CCNB2: variants seen among roughly 807,000 people sequenced by gnomAD.
CCNB2 encodes the protein G2/mitotic-specific cyclin-B2.
CCNB2 carries 39 observed loss-of-function variants against 51.1 expected under a neutral mutation model. That is an observed-to-expected ratio of 0.76 (90% CI 0.59 to 1.00). The LOEUF (loss-of-function observed/expected upper bound fraction) is 1.00. Among genes scored for constraint, CCNB2 ranks in the 50% least tolerant of loss-of-function variants. The pLI is 0.00. For synonymous variants in CCNB2, 174 were observed against 165.5 expected (o/e 1.05, Z -0.40); for missense variants, 472 against 470.3 (o/e 1.00, Z -0.03).
At position 59,124,899 on chromosome 15, in the gene CCNB2, G is replaced by T; in HGVS notation, c.*22G>T. On this transcript the variant is annotated 3_prime_UTR_variant, in exon 9 of 9. Transcript: ENST00000288207. ...CTAGGCTGCCGTGGCCCCTGGGGATGTGTGCTTCATTGTGCCCTTTTTCTT... is the reference window on the plus strand; with the variant it reads ...CTAGGCTGCCGTGGCCCCTGGGGATTTGTGCTTCATTGTGCCCTTTTTCTT... 7.0e-7 allele frequency: 1 copy of T among 1,423,748 alleles called. No homozygotes were observed. The highest frequency in any genetic ancestry group is 1.4e-5 in the African/African-American group (1 of 69,320). The allele number at this position is 1,423,748 out of a possible 1,614,324, so 88.2% of individuals were successfully genotyped here.
In CCNB2 at chr15:59,122,241, CTTTT is replaced by C. The variant is rs1162917277; in HGVS notation, c.976-1254_976-1251del. 3.5e-3 allele frequency among the ~76,000 whole-genome samples: 255 copies of C among 72,980 alleles called. 1 individual carries two copies. The highest frequency in any genetic ancestry group is 0.014 in the African/African-American group (241 of 17,156). The allele number at this position is 72,980 out of a possible 152,430, so 47.9% of individuals were successfully genotyped here. ...TCTTAAATAAAGTCAGTTGACATAT[CTTTT>C]TTTTTTTTTTTTTTTTTTTTTGAGA... On this transcript the variant is annotated intron_variant, in intron 7 of 8. Coordinates refer to ENST00000288207, the MANE Select transcript of CCNB2 (RefSeq NM_004701.4).
chr15:59,123,498 T>C lies in CCNB2; in HGVS notation c.976-19T>C, dbSNP rs142416074. ...CTTGCCCCTCAGTCATGTCTGTCTG[T>C]CTGCTTCTTGTGTTTCAGAACTTAA... On this transcript the variant is annotated intron_variant, in intron 7 of 8. Coordinates refer to ENST00000288207, the MANE Select transcript of CCNB2 (RefSeq NM_004701.4). 7.8e-4 allele frequency: 1,140 copies of C among 1,468,708 alleles called. 14 individuals carry two copies. The African/African-American group carries it at 0.014, about 18-fold the overall frequency. 91.0% of individuals were successfully genotyped at this position (1,468,708 alleles called of 1,614,324 possible).
At position 59,123,632 on chromosome 15, in the gene CCNB2, GTAC is replaced by G. The variant is rs754477053; in HGVS notation, c.1086+10_1086+12del. 7 of 1,527,630 alleles carry G rather than the reference GTAC, an allele frequency of 4.6e-6. No individual in the cohort carries two copies. The highest frequency in any genetic ancestry group is 6.3e-6 in the Non-Finnish European group (7 of 1,116,616). 94.6% of individuals were successfully genotyped at this position (1,527,630 alleles called of 1,614,324 possible). ...GAAAACTTAACTAAATTCATCGTAA[GTAC>G]TACTGTTTTCTTAAGCTGTGGAAAG... On this transcript the variant is annotated splice_donor_region_variant and intron_variant, in intron 8 of 8. Transcript: ENST00000288207.
intron 3 of CCNB2, among the ~76,000 whole-genome samples, chr15:59,109,752 C>T (rs1486195965): frequency 2.0e-5 from 3 of 152,086 alleles, no homozygotes; most frequent in African/African-American, 4.8e-5. Context: ...TTTGGGAGGC[C>T]GAGGCGGGCG....
At chr15:59,119,455 G>A (rs1224963972) in intron 7 of CCNB2, among the ~76,000 whole-genome samples, 1 of 99,700 alleles carries the variant, frequency 1.0e-5, no homozygotes, top group African/African-American at 4.0e-5. Flanking sequence ...GCAAAACCCT[G>A]TCTCCAAAAA....
chr15:59,110,610 G>A (rs560259160), intron 3 of CCNB2, among the ~76,000 whole-genome samples: 1 of 152,294 alleles, frequency 6.6e-6, no homozygotes, highest in Non-Finnish European at 1.5e-5. Flanking sequence ...TCCTGGAAAG[G>A]TGATAACATA....
Position 59,107,434 on chromosome 15 carries a change from C to T in CCNB2, c.137C>T (p.Ala46Val), listed in dbSNP as rs2079240376. 3.1e-6 allele frequency: 5 copies of T among 1,613,780 alleles called. No individual in the cohort carries two copies. Among genetic ancestry groups the T allele is most frequent in the African/African-American group, 1.3e-5 (1 of 74,842 alleles). The change falls in exon 2 of 9, where the codon GCA (alanine) becomes GTA (valine). Residue 46 changes from alanine (A) to valine (V), a missense_variant. By Grantham distance (64) the Ala-to-Val change is moderately conservative. Transcript: ENST00000288207. The part of the protein sequence containing the change: ...EEIGNRVTTR[A>V]AQVAKKAQNT... ...ATTGGAAATAGAGTTACAACCAGAG[C>T]AGCACAAGTAGCTAAGGTAACAATG...
chr15:59,114,717 G>T lies in CCNB2; in HGVS notation c.439-1G>T. On this transcript the variant is annotated splice_acceptor_variant, in intron 4 of 8. Transcript: ENST00000288207. LOFTEE classifies it high-confidence loss of function. ...TTTTAAACTTTTGATTCTACCCACA[G>T]GTTTTGCAGTCCATAAACCCACATT... 6.2e-7 allele frequency: 1 copy of T among 1,606,554 alleles called. No homozygotes were observed. The highest frequency in any genetic ancestry group is 1.7e-4 in the Middle Eastern group (1 of 6,030).
chr15:59,105,318 A>T, intron 1 of CCNB2, 26 bp downstream of exon 1: 1 of 1,551,202 alleles, frequency 6.4e-7, no homozygotes, highest in East Asian at 2.4e-5. Context: ...GACCGCTCTC[A>T]GAGGCGAGTC....
rs151178240 is a variant in CCNB2 at position 59,114,789 on chromosome 15, G to A, written c.510G>A (p.Val170=). 1 of 1,614,146 alleles carries A rather than the reference G, an allele frequency of 6.2e-7. No homozygotes were observed. The change falls in exon 5 of 9, where the codon GTG becomes GTA. Residue 170 remains valine (V), a synonymous_variant. Coordinates refer to ENST00000288207, the MANE Select transcript of CCNB2 (RefSeq NM_004701.4). The part of the protein sequence containing the change: ...DINGRMRAIL[V]DWLVQVHSKF... ...ATGGACGCATGCGTGCCATCCTAGT[G>A]GATTGGCTGGTACAAGTCCACTCCA...
In CCNB2 at chr15:59,107,395, C is replaced by T; in HGVS notation, c.98C>T (p.Thr33Ile). The T allele has an allele frequency of 9.3e-6, 15 of 1,612,110 alleles. No homozygotes were observed. Among genetic ancestry groups the T allele is most frequent in the Non-Finnish European group, 1.2e-5 (14 of 1,179,564 alleles). Reference protein sequence around the residue: ...KVKSHVTIRRTVLEEIGNRVT... With the variant: ...KVKSHVTIRRIVLEEIGNRVT... ...AAGAGTCATGTGACTATTAGGCGAA[C>T]TGTTTTAGAAGAAATTGGAAATAGA... The change falls in exon 2 of 9, where the codon ACT becomes ATT. Residue 33 changes from threonine (T) to isoleucine (I), a missense_variant. Thr to Ile is a moderately conservative substitution (Grantham distance 89, BLOSUM62 -1). Transcript: ENST00000288207.
Position 59,107,647 on chromosome 15 carries a change from C to T in CCNB2, c.244C>T (p.Gln82Ter), listed in dbSNP as rs1451713966. Residue 82 changes from glutamine to a stop codon, truncating the protein, a stop_gained, in exon 3 of 9, where the codon CAG (glutamine) becomes TAG (stop). Transcript: ENST00000288207. LOFTEE classifies it high-confidence loss of function. ...LKPTASVKPVQMEKLAPKGPS... is the reference protein window; with the variant it reads ...LKPTASVKPV Reference sequence around the variant, plus strand: ...ACCTACTGCTTCTGTCAAACCAGTACAGATGGAAAAGTTGGCTCCAAAGGT... The same window carrying T: ...ACCTACTGCTTCTGTCAAACCAGTATAGATGGAAAAGTTGGCTCCAAAGGT... 3 of 1,613,726 alleles carry T rather than the reference C, an allele frequency of 1.9e-6. No individual in the cohort carries two copies. The highest frequency in any genetic ancestry group is 2.7e-5 in the African/African-American group (2 of 74,912).
chr15:59,120,064 G>A (rs565163865), intron 7 of CCNB2, among the ~76,000 whole-genome samples: 1 of 152,126 alleles, frequency 6.6e-6, no homozygotes, highest in Admixed American at 6.5e-5. Flanking sequence ...GTAGGAAATA[G>A]CAAAACAAAA....
At chr15:59,107,108 TACGGATAA>T (rs1406505191) in intron 1 of CCNB2, among the ~76,000 whole-genome samples, 1 of 152,194 alleles carries the variant, frequency 6.6e-6, no homozygotes, top group Non-Finnish European at 1.5e-5. Context: ...GGATCTTTAT[TACGGATAA>T]AGTAGATGGG....
chr15:59,114,583 AG>A lies in CCNB2; in HGVS notation c.409del (p.Asp137IlefsTer15). On this transcript the variant is annotated frameshift_variant, in exon 4 of 9. Coordinates refer to ENST00000288207, the MANE Select transcript of CCNB2 (RefSeq NM_004701.4). LOFTEE classifies it high-confidence loss of function. ...ENPQLCSDYV[K>X]DIYQYLRQLE... The stretch of plus-strand genomic sequence containing the variant: ...CCTCAGCTCTGCAGTGACTACGTTA[AG>A]GATATCTATCAGTATCTCAGGCAGC... The A allele has an allele frequency of 6.2e-7, 1 of 1,605,224 alleles. No individual in the cohort carries two copies. Among genetic ancestry groups the A allele is most frequent in the Non-Finnish European group, 8.5e-7 (1 of 1,174,750 alleles).
intron 1 of CCNB2, 40 bp from the exon 2 acceptor site, chr15:59,107,282 A>G: frequency 6.5e-7 from 1 of 1,549,878 alleles, no homozygotes. Flanking sequence ...AGTATTTCAA[A>G]TTCTTTCAAG....
chr15:59,123,419 T>G, intron 7 of CCNB2, 98 bp from the exon 8 acceptor site: 1 of 696,318 alleles, frequency 1.4e-6, no homozygotes, highest in Non-Finnish European at 2.6e-6. Flanking sequence ...AGCTTTTACA[T>G]AAGTAATGTC....
At chr15:59,120,055 T>C (rs2079295927) in intron 7 of CCNB2, among the ~76,000 whole-genome samples, 1 of 152,034 alleles carries the variant, frequency 6.6e-6, no homozygotes, top group African/African-American at 2.4e-5. Flanking sequence ...AGTCCTCACG[T>C]AGGAAATAGC....
chr15:59,123,252 A>G (rs746599825), intron 7 of CCNB2, among the ~76,000 whole-genome samples: 2 of 152,130 alleles, frequency 1.3e-5, no homozygotes, highest in Non-Finnish European at 2.9e-5. Context: ...TACCTGTGCA[A>G]CGTCTTTGAA....
Sources: allele counts gnomAD v4.1 joint callset (sites outside exome capture counted in the v4.1 genomes callset), GRCh38; gene constraint gnomAD v4.1.1; transcripts MANE v1.5; gene names NCBI Gene and HGNC (gene_info 2026-07-23, HGNC 2026-07-21).